The following MGAT4C variants were observed in gnomAD, a reference collection of about 807,000 sequenced individuals.
MGAT4C encodes alpha-1,3-mannosyl-glycoprotein 4-beta-N-acetylglucosaminyltransferase C.
A neutral mutation model predicts 40.1 loss-of-function variants in MGAT4C; 19 were observed. The observed-to-expected ratio is 0.47, with a 90% confidence interval of 0.33 to 0.70. MGAT4C has a LOEUF of 0.70. MGAT4C is among the 30% of genes least tolerant of loss of function. MGAT4C has a pLI of 0.02. For missense variants in MGAT4C, 491 were observed against 563.2 expected, an observed-to-expected ratio of 0.87 and a Z score of 1.30; for synonymous variants, 181 against 187.1, an observed-to-expected ratio of 0.97 and a Z score of 0.27.
At chr12:86,046,855 T>C (rs1892445383) in intron 2 of MGAT4C, among the ~76,000 whole-genome samples, 1 of 152,152 alleles carries the variant, frequency 6.6e-6, no homozygotes, top group African/African-American at 2.4e-5. Context: ...CAGTCTTCTA[T>C]TGAGTTTTCT....
intron 1 of MGAT4C, among the ~76,000 whole-genome samples, chr12:86,783,458 C>G (rs1250963347): frequency 6.7e-6 from 1 of 149,590 alleles, no homozygotes; most frequent in Non-Finnish European, 1.5e-5. Flanking sequence ...AGCTTCTTAT[C>G]CATCTTCCCT....
intron 2 of MGAT4C, among the ~76,000 whole-genome samples, chr12:86,563,031 T>A (rs1427210440): frequency 6.6e-6 from 1 of 152,040 alleles, no homozygotes; most frequent in African/African-American, 2.4e-5. Flanking sequence ...TTAGGGAGAT[T>A]GGGGTGCTGG....
chr12:86,432,665 T>G (rs1171712492), intron 3 of MGAT4C, among the ~76,000 whole-genome samples: 1 of 151,910 alleles, frequency 6.6e-6, no homozygotes, highest in Non-Finnish European at 1.5e-5. Context: ...ATCTTCTCAG[T>G]GAAATGGGAT....
intron 1 of MGAT4C, among the ~76,000 whole-genome samples, chr12:86,074,542 T>C (rs1027643328): frequency 2.0e-5 from 3 of 152,188 alleles, no homozygotes; most frequent in African/African-American, 7.2e-5. Context: ...TCTATGTCTC[T>C]TACAGTGCTT....
intron 1 of MGAT4C, among the ~76,000 whole-genome samples, chr12:86,825,868 GAAACACATGAAA>G (rs1952796523): frequency 6.6e-6 from 1 of 151,268 alleles, no homozygotes; most frequent in South Asian, 2.1e-4. Flanking sequence ...ACTAAAACAA[GAAACACATGAAA>G]ATAAGGGGTC....
At chr12:86,315,562 CG>C (rs1954191758) in intron 4 of MGAT4C, among the ~76,000 whole-genome samples, 1 of 151,578 alleles carries the variant, frequency 6.6e-6, no homozygotes, top group African/African-American at 2.4e-5. Flanking sequence ...AAAAATTAGC[CG>C]GGCGTGGTGG....
intron 2 of MGAT4C, among the ~76,000 whole-genome samples, chr12:86,664,065 AAAAC>A (rs1389032990): frequency 6.6e-6 from 1 of 152,208 alleles, no homozygotes; most frequent in Admixed American, 6.5e-5. Context: ...GTCAGTATAA[AAAAC>A]AAACAATAAC....
In MGAT4C at chr12:86,408,473, CTCTCTCTATA is replaced by C. The variant is rs1242673729; in HGVS notation, c.-120+26674_-120+26683del. Among the ~76,000 whole-genome samples the C allele has an allele frequency of 1.8e-4, 20 of 108,140 alleles. No homozygotes were observed. The East Asian group carries it at 3.0e-3, about 16-fold the overall frequency. The allele number at this position is 108,140 out of a possible 152,430, so 70.9% of individuals were successfully genotyped here. On this transcript the variant is annotated intron_variant, in intron 3 of 7. Coordinates refer to the MGAT4C transcript ENST00000548651. ...ACTCTCTCTCTCTCTCTCTCTCTCT[CTCTCTCTATA>C]TATATATATATATATATATATATAT...
At position 86,630,036 on chromosome 12, in the gene MGAT4C, A is replaced by T. The variant is rs548308095; in HGVS notation, c.-229+97173T>A. Among the ~76,000 whole-genome samples the T allele has an allele frequency of 2.0e-5, 3 of 152,274 alleles. No individual in the cohort carries two copies. In the East Asian group the frequency reaches 5.8e-4, roughly 29 times the overall value. On this transcript the variant is annotated intron_variant, in intron 2 of 7. Coordinates refer to the MGAT4C transcript ENST00000548651. ...CTAATAAAGAAGAAAAGAGAGAAGAATCAAATAGATACAATAAAAAATGAT... is the reference window on the plus strand; with the variant it reads ...CTAATAAAGAAGAAAAGAGAGAAGATTCAAATAGATACAATAAAAAATGAT...
At chr12:86,088,070 G>A (rs1362052122) in intron 1 of MGAT4C, among the ~76,000 whole-genome samples, 2 of 151,672 alleles carry the variant, frequency 1.3e-5, no homozygotes, top group Admixed American at 1.3e-4. Context: ...CAGAAATAAC[G>A]CCAAATACCT....
intron 1 of MGAT4C, among the ~76,000 whole-genome samples, chr12:86,758,679 C>T (rs1951348503): frequency 6.6e-6 from 1 of 151,792 alleles, no homozygotes; most frequent in Admixed American, 6.6e-5. Flanking sequence ...TATAGTGAGT[C>T]ATGAACAAAA....
intron 4 of MGAT4C, among the ~76,000 whole-genome samples, chr12:86,266,711 C>T (rs2136102726): frequency 6.6e-6 from 1 of 152,160 alleles, no homozygotes; most frequent in African/African-American, 2.4e-5. Flanking sequence ...AGAAGGATTG[C>T]TATTAGTTCT....
intron 2 of MGAT4C, among the ~76,000 whole-genome samples, chr12:86,478,744 A>C (rs931770691): frequency 6.6e-6 from 1 of 152,102 alleles, no homozygotes; most frequent in African/African-American, 2.4e-5. Context: ...TTTTTCAAGT[A>C]ATTCAAACCT....
At chr12:86,544,005 T>C (rs1592970557) in intron 2 of MGAT4C, among the ~76,000 whole-genome samples, 1 of 152,156 alleles carries the variant, frequency 6.6e-6, no homozygotes, top group African/African-American at 2.4e-5. Flanking sequence ...GATATAAGGA[T>C]ACTACATTCA....
chr12:86,585,234 T>C (rs1426452823), intron 2 of MGAT4C, among the ~76,000 whole-genome samples: 1 of 151,476 alleles, frequency 6.6e-6, no homozygotes, highest in Non-Finnish European at 1.5e-5. Flanking sequence ...GCTTTTAGTA[T>C]TTCAAAATTA....
intron 3 of MGAT4C, among the ~76,000 whole-genome samples, chr12:86,339,461 C>A (rs181095086): frequency 6.5e-4 from 99 of 152,208 alleles, no homozygotes; most frequent in Non-Finnish European, 1.1e-3. Flanking sequence ...AGAATATTTG[C>A]CTCCTTAAAA....
At chr12:86,286,026 G>C (rs540597229) in intron 4 of MGAT4C, among the ~76,000 whole-genome samples, 1 of 152,072 alleles carries the variant, frequency 6.6e-6, no homozygotes, top group East Asian at 1.9e-4. Flanking sequence ...TAAAGTCTTT[G>C]CAAACGTTTA....
Position 86,836,978 on chromosome 12 carries a change from G to T in MGAT4C, c.-262+1688C>A, listed in dbSNP as rs115151735. ...TTAAAAATAGAAAAGAGAGAGAGAG[G>T]ATGTTAAATCACTGTATCCTCTGAA... On this transcript the variant is annotated intron_variant, in intron 1 of 7. Coordinates refer to the MGAT4C transcript ENST00000548651. 2.2e-3 allele frequency among the ~76,000 whole-genome samples: 328 copies of T among 152,030 alleles called. 1 individual carries two copies. Among genetic ancestry groups the T allele is most frequent in the African/African-American group, 7.4e-3 (308 of 41,480 alleles).
At chr12:86,435,202 C>T (rs1038168506) in exon 3 of MGAT4C, 10 of 151,932 alleles carry the variant, frequency 6.6e-5, no homozygotes, top group African/African-American at 2.4e-4. Flanking sequence ...TTCTGCAGCT[C>T]TTGTTTGAAA....
Sources: gnomAD v4.1 joint callset for allele counts (sites outside exome capture counted in the v4.1 genomes callset) on GRCh38, gnomAD v4.1.1 for gene constraint, MANE v1.5 for transcripts, NCBI Gene and HGNC (gene_info 2026-07-23, HGNC 2026-07-21) for gene names.